The following LNX2 variants were observed in gnomAD, a reference collection of about 807,000 sequenced individuals.
The protein encoded by LNX2 is ligand of numb-protein X 2, also known as ligand of Numb protein X 2.
Under a neutral mutation model 66.2 loss-of-function variants are expected in LNX2, and 35 were observed. The observed-to-expected ratio is 0.53, with a 90% CI of 0.40 to 0.70. LNX2 has a LOEUF of 0.70. Ranked by LOEUF, LNX2 falls within the 30% of genes least tolerant of loss-of-function variation. The pLI is 0.00. For synonymous variants in LNX2, 337 were observed against 315.6 expected (o/e 1.07, Z -0.72); for missense variants, 791 against 850.8 (o/e 0.93, Z 0.87).
At chr13:27,584,172 G>A (rs1009873757) in intron 1 of LNX2, among the ~76,000 whole-genome samples, 1 of 152,124 alleles carries the variant, frequency 6.6e-6, no homozygotes, top group African/African-American at 2.4e-5. Context: ...GAGGCTACTA[G>A]CATTTCTATT....
At chr13:27,597,768 T>A (rs1955615277) in intron 1 of LNX2, among the ~76,000 whole-genome samples, 1 of 151,964 alleles carries the variant, frequency 6.6e-6, no homozygotes, top group South Asian at 2.1e-4. Context: ...ATACAAAAGT[T>A]TTAAAAGAGA....
intron 6 of LNX2, among the ~76,000 whole-genome samples, chr13:27,558,670 A>G (rs961047936): frequency 1.3e-5 from 2 of 152,154 alleles, no homozygotes; most frequent in Non-Finnish European, 2.9e-5. Flanking sequence ...GTCCTGTTTA[A>G]AACAATTACC....
chr13:27,616,105 C>T (rs1955822508), intron 1 of LNX2, among the ~76,000 whole-genome samples: 2 of 127,494 alleles, frequency 1.6e-5, no homozygotes, highest in Admixed American at 2.2e-4. Context: ...CATGAGACAT[C>T]AATCAAAAAA....
chr13:27,553,646 A>G (rs1162301005), intron 7 of LNX2, among the ~76,000 whole-genome samples: 1 of 152,226 alleles, frequency 6.6e-6, no homozygotes, highest in African/African-American at 2.4e-5. Context: ...TAATTTTAAA[A>G]TAATGTCATA....
chr13:27,604,399 T>TG (rs1405399705), intron 1 of LNX2, among the ~76,000 whole-genome samples: 1 of 152,208 alleles, frequency 6.6e-6, no homozygotes, highest in African/African-American at 2.4e-5. Flanking sequence ...GAGCACACTA[T>TG]GGGTGATCAA....
intron 5 of LNX2, 110 bp downstream of exon 5, chr13:27,562,303 A>AT: frequency 7.4e-7 from 1 of 1,350,938 alleles, no homozygotes; most frequent in Non-Finnish European, 1.0e-6. Flanking sequence ...CCGATTTTCT[A>AT]ATGAAATATA....
At position 27,569,041 on chromosome 13, in the gene LNX2, C is replaced by T. The variant is rs146487142; in HGVS notation, c.643G>A (p.Ala215Thr). Residue 215 changes from alanine to threonine, a missense_variant, in exon 3 of 10, where the codon GCT (alanine) becomes ACT (threonine). By Grantham distance (58) the Ala-to-Thr change is moderately conservative. Transcript: ENST00000316334. ...GLDNPAFEES[A>T]GADTTQQPLS... is the part of the protein sequence containing the mutation. ...GCACCACACATACTGTCAGCTCCAG[C>T]GCTCTCCTCAAAGGCAGGGTTGTCA... 244 of 1,613,186 alleles carry T rather than the reference C, an allele frequency of 1.5e-4. 2 individuals carry two copies. Among genetic ancestry groups the T allele is most frequent in the South Asian group, 9.3e-4 (85 of 90,984 alleles).
chr13:27,606,293 T>G (rs1245453503), intron 1 of LNX2, among the ~76,000 whole-genome samples: 1 of 151,860 alleles, frequency 6.6e-6, no homozygotes, highest in Admixed American at 6.6e-5. Context: ...CTATTTTAAG[T>G]TATCATGAAG....
intron 1 of LNX2, among the ~76,000 whole-genome samples, chr13:27,583,255 T>TGTGTGTGTGCGCGCGCGCGCGC (rs1555268514): frequency 5.1e-5 from 3 of 58,528 alleles, no homozygotes; most frequent in Admixed American, 1.8e-4. Flanking sequence ...TGTGTGTGTG[T>TGTGTGTGTGCGCGCGCGCGCGC]GCGCGCGTCC....
intron 8 of LNX2, among the ~76,000 whole-genome samples, chr13:27,551,219 T>C (rs1955004637): frequency 6.6e-6 from 1 of 151,962 alleles, no homozygotes; most frequent in Admixed American, 6.6e-5. Flanking sequence ...CCCAGGAGCT[T>C]GAGGCTGCAG....
At chr13:27,590,043 G>A (rs564304261) in intron 1 of LNX2, among the ~76,000 whole-genome samples, 17 of 152,118 alleles carry the variant, frequency 1.1e-4, no homozygotes, top group East Asian at 9.7e-4. Flanking sequence ...TCCGCCTCCC[G>A]GGTTCATGCC....
chr13:27,596,924 A>T (rs745973302), intron 1 of LNX2, among the ~76,000 whole-genome samples: 1 of 152,188 alleles, frequency 6.6e-6, no homozygotes, highest in Non-Finnish European at 1.5e-5. Context: ...CACCTGCATA[A>T]GTGTCTAATA....
chr13:27,569,880 T>A (rs1057223862), intron 2 of LNX2, among the ~76,000 whole-genome samples: 1 of 152,190 alleles, frequency 6.6e-6, no homozygotes, highest in Non-Finnish European at 1.5e-5. Flanking sequence ...AGAATTTCAA[T>A]AGAATTATTG....
intron 1 of LNX2, among the ~76,000 whole-genome samples, chr13:27,600,998 C>T (rs1332510031): frequency 1.3e-5 from 2 of 152,204 alleles, no homozygotes; most frequent in Non-Finnish European, 2.9e-5. Flanking sequence ...TTGACTGCTT[C>T]ACTTGATACT....
intron 1 of LNX2, among the ~76,000 whole-genome samples, chr13:27,591,003 T>C (rs1224342455): frequency 1.3e-5 from 2 of 152,034 alleles, no homozygotes; most frequent in African/African-American, 4.8e-5. Context: ...TGTATATATA[T>C]GTGTGTGTAC....
chr13:27,603,709 G>C (rs1955683124), intron 1 of LNX2, among the ~76,000 whole-genome samples: 1 of 151,914 alleles, frequency 6.6e-6, no homozygotes, highest in Non-Finnish European at 1.5e-5. Flanking sequence ...TCCCTACATA[G>C]TTACTGTTGA....
chr13:27,580,345 G>C (rs894475254), intron 2 of LNX2, among the ~76,000 whole-genome samples: 1 of 152,082 alleles, frequency 6.6e-6, no homozygotes, highest in Admixed American at 6.5e-5. Context: ...TTTTATGTGT[G>C]AGTATAATAG....
At chr13:27,564,080 T>C (rs566016918) in intron 4 of LNX2, among the ~76,000 whole-genome samples, 98 of 152,350 alleles carry the variant, frequency 6.4e-4, no homozygotes, top group Non-Finnish European at 1.0e-3. Flanking sequence ...CAAAGCTACC[T>C]ACCTGTAGGT....
Position 27,583,261 on chromosome 13 carries a change from C to CGCCGCGT in LNX2, c.-100-1459_-100-1458insACGCGGC, listed in dbSNP as rs11281345. ...GTGTGTGTGTGTGTGTGTGTGCGCG[C>CGCCGCGT]GTCCTCTCCAACATACTTATTTTTA... On this transcript the variant is annotated intron_variant, in intron 1 of 9. Coordinates refer to ENST00000316334, the MANE Select transcript of LNX2 (RefSeq NM_153371.4). Among the ~76,000 whole-genome samples, 4 of 45,480 alleles carry CGCCGCGT rather than the reference C, an allele frequency of 8.8e-5. 2 individuals carry two copies. The highest frequency in any genetic ancestry group is 1.8e-4 in the Non-Finnish European group (4 of 22,058). The allele number at this position is 45,480 out of a possible 152,430, so 29.8% of individuals were successfully genotyped here.
Sources: gnomAD v4.1 joint callset for allele counts (sites outside exome capture counted in the v4.1 genomes callset) on GRCh38, gnomAD v4.1.1 for gene constraint, MANE v1.5 for transcripts, NCBI Gene and HGNC (gene_info 2026-07-23, HGNC 2026-07-21) for gene names.